Variants in DMD observed in about 807,000 individuals in gnomAD.
DMD encodes the protein dystrophin.
A neutral mutation model predicts 330.1 loss-of-function variants in DMD; 63 were observed. That is an observed-to-expected ratio of 0.19 (90% CI 0.16 to 0.24). The LOEUF is 0.24. Ranked by LOEUF, DMD falls within the 10% of genes least tolerant of loss-of-function variation. The pLI is 1.00. For missense variants in DMD, 3,344 were observed against 2,684.1 expected (o/e 1.25, Z -5.43); for synonymous variants, 1,223 against 959.8 (o/e 1.27, Z -5.07).
chrX:32,398,798 A>G (rs1244631906), intron 30 of DMD, among the ~76,000 whole-genome samples: 1 of 111,869 alleles, frequency 8.9e-6, no homozygotes, highest in African/African-American at 3.2e-5. Context: ...TCCTAAGCAA[A>G]AAAGAATGAA....
intron 64 of DMD, among the ~76,000 whole-genome samples, chrX:31,212,708 C>G (rs941710660): frequency 9.0e-6 from 1 of 111,269 alleles, no homozygotes; most frequent in African/African-American, 3.3e-5. Context: ...CAACTGAGAC[C>G]AGAGATATGG....
chrX:33,248,015 A>C (rs886239600), intron 1 of DMD, among the ~76,000 whole-genome samples: 43 of 111,720 alleles, frequency 3.8e-4, no homozygotes, highest in African/African-American at 1.4e-3. Flanking sequence ...GAGAATAAAT[A>C]ATATTTTATT....
intron 1 of DMD, among the ~76,000 whole-genome samples, chrX:33,288,399 T>C (rs1028517759): frequency 9.0e-6 from 1 of 111,312 alleles, no homozygotes; most frequent in African/African-American, 3.3e-5. Flanking sequence ...TCTAACCTTA[T>C]TGTATAGATA....
intron 34 of DMD, among the ~76,000 whole-genome samples, chrX:32,371,255 G>A (rs2097876037): frequency 9.0e-6 from 1 of 111,588 alleles, no homozygotes; most frequent in Non-Finnish European, 1.9e-5. Context: ...ACGGTAATTT[G>A]TTAAACAAGT....
chrX:31,532,412 T>A (rs1469531547), intron 55 of DMD, among the ~76,000 whole-genome samples: 1 of 16,139 alleles, frequency 6.2e-5, no homozygotes, highest in Non-Finnish European at 9.5e-5. Context: ...AGAAATAAAA[T>A]ACTTTATAGA....
At chrX:32,832,323 A>T (rs769270434) in intron 4 of DMD, among the ~76,000 whole-genome samples, 1 of 111,839 alleles carries the variant, frequency 8.9e-6, no homozygotes, top group Admixed American at 9.5e-5. Flanking sequence ...AGAATCTTAA[A>T]CAATAACTAA....
chrX:33,031,448 G>A (rs775387759), intron 1 of DMD, among the ~76,000 whole-genome samples: 4 of 111,016 alleles, frequency 3.6e-5, no homozygotes, highest in South Asian at 7.7e-4. Flanking sequence ...ACATTTCTTG[G>A]CTTGATCATG....
intron 44 of DMD, among the ~76,000 whole-genome samples, chrX:32,095,916 T>TA (rs1283253312): frequency 1.5e-4 from 16 of 109,969 alleles, no homozygotes; most frequent in African/African-American, 5.0e-4. Flanking sequence ...AGTTTTTTTT[T>TA]TTATTATACT....
rs1448014083 is a variant in DMD at position 32,005,097 on chromosome X, A to G, written c.6439-36583T>C. Among the ~76,000 whole-genome samples the G allele has an allele frequency of 1.6e-4, 18 of 111,263 alleles. No individual in the cohort carries two copies. The Admixed American group carries it at 1.7e-3, about 11-fold the overall frequency. On this transcript the variant is annotated intron_variant, in intron 44 of 78. Transcript: ENST00000357033. ...GTGCCATACCAGCAACTGCATGCAA[A>G]CTAGCCTCAAAGGACAATATTAGCT...
intron 74 of DMD, among the ~76,000 whole-genome samples, chrX:31,151,099 A>C (rs1263850408): frequency 8.9e-6 from 1 of 111,925 alleles, no homozygotes; most frequent in Non-Finnish European, 1.9e-5. Flanking sequence ...ACCTTCAGTC[A>C]GATTCTGCAC....
chrX:31,564,987 A>G (rs2075390459), intron 55 of DMD, among the ~76,000 whole-genome samples: 1 of 112,515 alleles, frequency 8.9e-6, no homozygotes, highest in Admixed American at 9.4e-5. Flanking sequence ...TTTTCTCAAC[A>G]GTAAAATAAC....
intron 55 of DMD, among the ~76,000 whole-genome samples, chrX:31,554,580 A>T (rs2147784101): frequency 9.0e-6 from 1 of 111,688 alleles, no homozygotes; most frequent in African/African-American, 3.3e-5. Context: ...CTTTCCCCAC[A>T]CAAGGTCATA....
chrX:33,286,742 A>G (rs1419853637), intron 1 of DMD, among the ~76,000 whole-genome samples: 1 of 112,099 alleles, frequency 8.9e-6, no homozygotes, highest in Non-Finnish European at 1.9e-5. Context: ...GATCCACTCC[A>G]TACCCAGGTA....
intron 74 of DMD, among the ~76,000 whole-genome samples, chrX:31,162,003 A>G (rs1207929154): frequency 1.9e-5 from 2 of 104,709 alleles, no homozygotes; most frequent in African/African-American, 7.7e-5. Flanking sequence ...TCAGTCTTCA[A>G]CTCTTAAACT....
At chrX:32,314,643 C>A (rs763790878) in intron 41 of DMD, among the ~76,000 whole-genome samples, 17 of 111,339 alleles carry the variant, frequency 1.5e-4, no homozygotes, top group Non-Finnish European at 2.5e-4. Flanking sequence ...ATCTATCCAT[C>A]TGACAAAGGG....
intron 2 of DMD, among the ~76,000 whole-genome samples, chrX:32,961,261 CA>C (rs2091882312): frequency 9.0e-6 from 1 of 111,347 alleles, no homozygotes; most frequent in Non-Finnish European, 1.9e-5. Context: ...TTGATTTTAT[CA>C]ACAGCTGAAG....
At chrX:32,456,958 T>TTA (rs1189415691) in intron 25 of DMD, among the ~76,000 whole-genome samples, 1 of 80,052 alleles carries the variant, frequency 1.2e-5, no homozygotes, top group African/African-American at 4.6e-5. Context: ...TCCAGATTGT[T>TTA]AAAAAAAAAA....
intron 23 of DMD, among the ~76,000 whole-genome samples, chrX:32,465,582 G>T (rs6631592): frequency 2.1e-3 from 162 of 76,569 alleles, no homozygotes; most frequent in Non-Finnish European, 2.9e-3. Flanking sequence ...TTTGTTTTTT[G>T]TTTTTTTTTT....
intron 47 of DMD, among the ~76,000 whole-genome samples, chrX:31,914,205 C>T (rs909493963): frequency 5.4e-5 from 6 of 111,439 alleles, no homozygotes; most frequent in African/African-American, 2.0e-4. Flanking sequence ...CATAGGTGGT[C>T]GTCCAGCACT....
Sources: allele counts gnomAD v4.1 joint callset (sites outside exome capture counted in the v4.1 genomes callset), GRCh38; gene constraint gnomAD v4.1.1; transcripts MANE v1.5; gene names NCBI Gene and HGNC (gene_info 2026-07-23, HGNC 2026-07-21).